TRAK2: variants seen among roughly 807,000 people sequenced by gnomAD.
TRAK2 encodes trafficking kinesin protein 2.
TRAK2 carries 81 observed loss-of-function variants against 104.6 expected under a neutral mutation model. The ratio of observed to expected loss-of-function variants is 0.77; its 90% CI spans 0.65 to 0.93. TRAK2 has a LOEUF of 0.93. Among genes scored for constraint, TRAK2 ranks in the 40% least tolerant of loss-of-function variants. The pLI is 0.00. For synonymous variants in TRAK2, 406 were observed against 394.4 expected, an observed-to-expected ratio of 1.03 and a Z score of -0.35; for missense variants, 1,002 against 1,089.0, an observed-to-expected ratio of 0.92 and a Z score of 1.12.
chr2:201,436,790 G>C (rs1259960738), intron 1 of TRAK2, among the ~76,000 whole-genome samples: 1 of 152,126 alleles, frequency 6.6e-6, no homozygotes, highest in Non-Finnish European at 1.5e-5. Flanking sequence ...AAAAACTATA[G>C]GCAATATAGC....
At chr2:201,404,956 A>G (rs983968083) in intron 3 of TRAK2, among the ~76,000 whole-genome samples, 1 of 152,184 alleles carries the variant, frequency 6.6e-6, no homozygotes, top group Admixed American at 6.5e-5. Context: ...CTGATGATAC[A>G]CACCATCTAG....
At chr2:201,430,018 C>T (rs192091977) in intron 1 of TRAK2, among the ~76,000 whole-genome samples, 3 of 152,198 alleles carry the variant, frequency 2.0e-5, no homozygotes, top group East Asian at 3.9e-4. Context: ...GTGTGGATGA[C>T]CTTTATGTTT....
chr2:201,403,318 A>G (rs1466939838), intron 3 of TRAK2, among the ~76,000 whole-genome samples: 3 of 152,188 alleles, frequency 2.0e-5, no homozygotes, highest in Non-Finnish European at 2.9e-5. Context: ...GAGAGAAATT[A>G]TGTGGCATGT....
intron 1 of TRAK2, among the ~76,000 whole-genome samples, chr2:201,425,631 C>T (rs1951780832): frequency 6.6e-6 from 1 of 151,990 alleles, no homozygotes; most frequent in African/African-American, 2.4e-5. Flanking sequence ...AAACTCCTGA[C>T]CTCAGGTGAT....
intron 2 of TRAK2, chr2:201,413,218 C>A: frequency 1.4e-6 from 2 of 1,458,004 alleles, no homozygotes; most frequent in Non-Finnish European, 1.9e-6. Flanking sequence ...ACATCAAATT[C>A]TCTAGTGACA....
Position 201,420,519 on chromosome 2 carries a change from T to C in TRAK2, c.-12A>G. ...TGGGATTGACTCATGCAGGATCCTT[T>C]CTTGCTTTGGTTGAGAAGGACAGCT... On this transcript the variant is annotated 5_prime_UTR_variant, in exon 2 of 16. Transcript: ENST00000332624. The C allele has an allele frequency of 6.2e-7, 1 of 1,611,882 alleles. No homozygotes were observed. Among genetic ancestry groups the C allele is most frequent in the Non-Finnish European group, 8.5e-7 (1 of 1,178,068 alleles).
chr2:201,442,073 G>A (rs183266396), intron 1 of TRAK2, among the ~76,000 whole-genome samples: 139 of 151,818 alleles, frequency 9.2e-4, no homozygotes, highest in African/African-American at 3.3e-3. Flanking sequence ...AAGAGAGGTA[G>A]GTGCCTATAG....
At chr2:201,403,005 C>A (rs1209447525) in intron 3 of TRAK2, among the ~76,000 whole-genome samples, 1 of 151,922 alleles carries the variant, frequency 6.6e-6, no homozygotes, top group Non-Finnish European at 1.5e-5. Flanking sequence ...TTAACAAACA[C>A]ATGACATGAC....
At chr2:201,410,071 G>C (rs958903098) in intron 2 of TRAK2, among the ~76,000 whole-genome samples, 9 of 152,244 alleles carry the variant, frequency 5.9e-5, no homozygotes, top group African/African-American at 2.2e-4. Flanking sequence ...GCCGAGGCGG[G>C]TGGATCACGA....
Position 201,401,001 on chromosome 2 carries a change from A to G in TRAK2, c.363+17T>C, listed in dbSNP as rs199726602. 124 of 1,600,992 alleles carry G rather than the reference A, an allele frequency of 7.7e-5. No homozygotes were observed. The highest frequency in any genetic ancestry group is 1.8e-5 in the Non-Finnish European group (21 of 1,171,772). On this transcript the variant is annotated intron_variant, in intron 4 of 15. Transcript: ENST00000332624. ...AGTTTTACCTTTTTGTACTGGAGAA[A>G]GAAAAGATATTCCTACCTCTGCCAG... is the stretch of plus-strand genomic sequence containing the variant.
chr2:201,397,379 G>T, intron 7 of TRAK2, 123 bp downstream of exon 7: 1 of 602,860 alleles, frequency 1.7e-6, no homozygotes. Context: ...AAGATTTTCA[G>T]TAACCATTTA....
At chr2:201,401,232 GA>G in intron 3 of TRAK2, 138 bp from the exon 4 acceptor site, 5 of 499,144 alleles carry the variant, frequency 1.0e-5, no homozygotes, top group Non-Finnish European at 1.0e-5. Flanking sequence ...AAATATATGT[GA>G]AAAAAAAGAA....
intron 3 of TRAK2, among the ~76,000 whole-genome samples, chr2:201,403,247 CT>C (rs1951564689): frequency 6.6e-6 from 1 of 152,138 alleles, no homozygotes; most frequent in African/African-American, 2.4e-5. Flanking sequence ...AAATTTAAAG[CT>C]GAACCTTAAG....
intron 2 of TRAK2, chr2:201,419,407 T>G (rs1285648483): frequency 6.5e-6 from 1 of 154,790 alleles, no homozygotes; most frequent in Non-Finnish European, 1.5e-5. Context: ...AGAAACAACT[T>G]CTGATACTTA....
At chr2:201,449,468 A>G (rs1035545648) in intron 1 of TRAK2, among the ~76,000 whole-genome samples, 2 of 145,466 alleles carry the variant, frequency 1.4e-5, no homozygotes, top group Non-Finnish European at 3.0e-5. Flanking sequence ...TGCAAATACT[A>G]AAATGTTGGT....
chr2:201,428,082 G>A (rs1159344647), intron 1 of TRAK2, among the ~76,000 whole-genome samples: 2 of 151,870 alleles, frequency 1.3e-5, no homozygotes, highest in Non-Finnish European at 2.9e-5. Flanking sequence ...TTTGTCAGAT[G>A]CGTAGATTGC....
intron 2 of TRAK2, chr2:201,412,419 C>T: frequency 7.7e-7 from 1 of 1,294,272 alleles, no homozygotes; most frequent in Non-Finnish European, 1.1e-6. Flanking sequence ...CACGAACTTC[C>T]TCAGGTATAT....
At chr2:201,403,322 G>A (rs1445385389) in intron 3 of TRAK2, among the ~76,000 whole-genome samples, 2 of 152,046 alleles carry the variant, frequency 1.3e-5, no homozygotes, top group Non-Finnish European at 2.9e-5. Context: ...GAAATTATGT[G>A]GCATGTTCAA....
chr2:201,405,505 C>T (rs1951586063), intron 3 of TRAK2, among the ~76,000 whole-genome samples: 1 of 152,156 alleles, frequency 6.6e-6, no homozygotes, highest in African/African-American at 2.4e-5. Flanking sequence ...GACTGTCTCA[C>T]CCTTAGAGTT....
Sources: allele counts gnomAD v4.1 joint callset (sites outside exome capture counted in the v4.1 genomes callset), GRCh38; gene constraint gnomAD v4.1.1; transcripts MANE v1.5; gene names NCBI Gene and HGNC (gene_info 2026-07-23, HGNC 2026-07-21).